The following BBS9 variants were observed in gnomAD, a reference collection of about 807,000 sequenced individuals.
The protein encoded by BBS9 is Bardet-Biedl syndrome 9, also known as protein PTHB1.
In BBS9, 89 loss-of-function variants were observed where a neutral mutation model predicts 117.7. That is an observed-to-expected ratio of 0.76 (90% CI 0.64 to 0.90). The LOEUF (loss-of-function observed/expected upper bound fraction) is 0.90. Among genes scored for constraint, BBS9 ranks in the 40% least tolerant of loss-of-function variants. The pLI is 0.00. For missense variants in BBS9, 982 were observed against 1,042.2 expected (o/e 0.94, Z 0.80); for synonymous variants, 379 against 370.9 (o/e 1.02, Z -0.25).
At chr7:33,328,658 G>A (rs1246686479) in intron 9 of BBS9, among the ~76,000 whole-genome samples, 1 of 152,178 alleles carries the variant, frequency 6.6e-6, no homozygotes, top group Non-Finnish European at 1.5e-5. Context: ...CTTTGACAAT[G>A]TGATAACCTA....
chr7:33,571,311 A>G (rs534708174), intron 21 of BBS9, among the ~76,000 whole-genome samples: 1 of 152,200 alleles, frequency 6.6e-6, no homozygotes, highest in South Asian at 2.1e-4. Context: ...TATGTGTTTT[A>G]CCATTTTGAG....
intron 9 of BBS9, among the ~76,000 whole-genome samples, chr7:33,321,442 T>G (rs1214124450): frequency 2.0e-5 from 3 of 152,126 alleles, no homozygotes; most frequent in African/African-American, 4.8e-5. Flanking sequence ...GTAGAGACCT[T>G]TTATTTCCTT....
chr7:33,540,970 A>G (rs568839343), intron 21 of BBS9, among the ~76,000 whole-genome samples: 1 of 152,198 alleles, frequency 6.6e-6, no homozygotes, highest in African/African-American at 2.4e-5. Context: ...GCATTTTACA[A>G]TGAGACAGGT....
At chr7:33,634,697 C>T (rs1312124322) in intron 21 of BBS9, among the ~76,000 whole-genome samples, 1 of 152,150 alleles carries the variant, frequency 6.6e-6, no homozygotes, top group African/African-American at 2.4e-5. Context: ...ACCACAAAGC[C>T]CTGCTGGGGA....
chr7:33,182,472 T>A (rs952022365), intron 5 of BBS9, among the ~76,000 whole-genome samples: 5 of 152,168 alleles, frequency 3.3e-5, no homozygotes, highest in African/African-American at 1.2e-4. Context: ...TGAACAATTT[T>A]CAAGAGTCAA....
intron 19 of BBS9, among the ~76,000 whole-genome samples, chr7:33,484,134 AT>A (rs1210415321): frequency 6.6e-6 from 1 of 152,214 alleles, no homozygotes; most frequent in African/African-American, 2.4e-5. Flanking sequence ...AATTGAGATC[AT>A]TTTTATTCTT....
intron 1 of BBS9, among the ~76,000 whole-genome samples, chr7:33,132,499 C>T (rs1017250925): frequency 5.3e-5 from 8 of 152,220 alleles, no homozygotes; most frequent in Admixed American, 2.6e-4. Flanking sequence ...CAGTGAGCAA[C>T]TGGAAATCAA....
intron 19 of BBS9, among the ~76,000 whole-genome samples, chr7:33,412,897 C>T (rs71532575): frequency 0.17 from 25,872 of 152,092 alleles, 2,463 homozygotes; most frequent in South Asian, 0.21. Context: ...AGCTTGATAC[C>T]ATTCTTCCTT....
intron 19 of BBS9, among the ~76,000 whole-genome samples, chr7:33,497,216 A>G (rs1844849882): frequency 6.6e-6 from 1 of 152,242 alleles, no homozygotes; most frequent in Non-Finnish European, 1.5e-5. Context: ...TGACAGATAT[A>G]TTGAAGTAGG....
At chr7:33,502,336 A>G (rs1845572720) in intron 19 of BBS9, among the ~76,000 whole-genome samples, 1 of 152,172 alleles carries the variant, frequency 6.6e-6, no homozygotes, top group Non-Finnish European at 1.5e-5. Flanking sequence ...TTCATGTAGT[A>G]AATACTTCCA....
In BBS9 at chr7:33,388,120, C is replaced by T. The variant is rs762455473; in HGVS notation, c.2091C>T (p.Thr697=). The T allele has an allele frequency of 1.2e-6, 2 of 1,614,102 alleles. No individual in the cohort carries two copies. The highest frequency in any genetic ancestry group is 1.7e-6 in the Non-Finnish European group (2 of 1,179,992). The part of the protein sequence containing the change: ...KTPAPLQHLD[T]LLDGTYKQVI... ...CTGCCCCTCTTCAACACCTGGACAC[C>T]TTGTTAGATGGAACCTACAAGCAGG... The change falls in exon 19 of 23, where the codon ACC becomes ACT. Residue 697 remains threonine, a synonymous_variant. Coordinates refer to ENST00000242067, the MANE Select transcript of BBS9 (RefSeq NM_198428.3).
intron 21 of BBS9, among the ~76,000 whole-genome samples, chr7:33,603,587 C>T (rs1200869056): frequency 2.6e-5 from 4 of 152,114 alleles, no homozygotes; most frequent in African/African-American, 9.7e-5. Context: ...GGCAAGATTT[C>T]TAACCCTTAG....
chr7:33,426,612 G>T, intron 19 of BBS9, among the ~76,000 whole-genome samples: 1 of 151,992 alleles, frequency 6.6e-6, no homozygotes, highest in East Asian at 1.9e-4. Context: ...GTGTCCTTCT[G>T]CTGGGGATTC....
At chr7:33,260,063 G>A (rs996478633) in intron 6 of BBS9, among the ~76,000 whole-genome samples, 3 of 150,690 alleles carry the variant, frequency 2.0e-5, no homozygotes, top group Non-Finnish European at 4.4e-5. Flanking sequence ...GCAGTGGCGC[G>A]ATTTTGGCTC....
chr7:33,440,752 A>G (rs10486532), intron 19 of BBS9, among the ~76,000 whole-genome samples: 3,743 of 152,364 alleles, frequency 0.025, 67 homozygotes, highest in Non-Finnish European at 0.038. Flanking sequence ...AGAGTCCATC[A>G]GTATACCATT....
intron 9 of BBS9, among the ~76,000 whole-genome samples, chr7:33,332,704 AC>A (rs1563012922): frequency 8.6e-5 from 13 of 151,848 alleles, no homozygotes; most frequent in African/African-American, 1.9e-4. Context: ...AACAACAACA[AC>A]AACAAAAACA....
chr7:33,565,843 CT>C (rs70989958), intron 21 of BBS9, among the ~76,000 whole-genome samples: 13,829 of 33,814 alleles, frequency 0.41, 2,099 homozygotes, highest in East Asian at 0.55. Flanking sequence ...ATATATACTG[CT>C]TATATATATA....
At chr7:33,328,731 T>C (rs2128603472) in intron 9 of BBS9, among the ~76,000 whole-genome samples, 1 of 152,334 alleles carries the variant, frequency 6.6e-6, no homozygotes, top group East Asian at 1.9e-4. Context: ...ATGCATGTTC[T>C]TTTTATTTGT....
At chr7:33,397,808 T>G (rs970569483) in intron 19 of BBS9, among the ~76,000 whole-genome samples, 1 of 151,932 alleles carries the variant, frequency 6.6e-6, no homozygotes, top group Non-Finnish European at 1.5e-5. Context: ...CTACACACAC[T>G]GGGGCCTGTG....
Sources: allele counts gnomAD v4.1 joint callset (sites outside exome capture counted in the v4.1 genomes callset), GRCh38; gene constraint gnomAD v4.1.1; transcripts MANE v1.5; gene names NCBI Gene and HGNC (gene_info 2026-07-23, HGNC 2026-07-21).